The following RNF144A variants were observed in gnomAD, a reference collection of about 807,000 sequenced individuals.
The protein encoded by RNF144A is E3 ubiquitin-protein ligase RNF144A.
RNF144A carries 11 observed loss-of-function variants against 38.7 expected under a neutral mutation model. That is an observed-to-expected ratio of 0.28 (90% CI 0.18 to 0.47). The LOEUF (loss-of-function observed/expected upper bound fraction) is 0.47, where lower values mean the gene tolerates loss of function less well. RNF144A is among the 20% of genes least tolerant of loss of function. The pLI is 0.99. For missense variants in RNF144A, 316 were observed against 377.2 expected, an observed-to-expected ratio of 0.84 and a Z score of 1.34; for synonymous variants, 149 against 143.9, an observed-to-expected ratio of 1.04 and a Z score of -0.25.
chr2:6,946,655 A>G (rs1038707344), intron 2 of RNF144A, among the ~76,000 whole-genome samples: 5 of 152,202 alleles, frequency 3.3e-5, no homozygotes, highest in Non-Finnish European at 5.9e-5. Flanking sequence ...CTCTTAGGTT[A>G]TTAGAATCAG....
intron 2 of RNF144A, among the ~76,000 whole-genome samples, chr2:6,960,511 G>C (rs1667269858): frequency 6.6e-6 from 1 of 152,142 alleles, no homozygotes; most frequent in South Asian, 2.1e-4. Flanking sequence ...GAAAGTGATG[G>C]TCACAACACA....
chr2:6,961,295 T>C (rs1342193156), intron 2 of RNF144A, among the ~76,000 whole-genome samples: 2 of 152,348 alleles, frequency 1.3e-5, no homozygotes, highest in African/African-American at 4.8e-5. Context: ...TTTATGATGA[T>C]AATGATTATG....
chr2:6,977,109 A>G (rs79544825), intron 2 of RNF144A, among the ~76,000 whole-genome samples: 9 of 152,340 alleles, frequency 5.9e-5, no homozygotes, highest in Middle Eastern at 3.4e-3. Context: ...AGTTCATTGT[A>G]TGTTACCATT....
chr2:7,001,255 G>A (rs1005077020), intron 3 of RNF144A, among the ~76,000 whole-genome samples: 38 of 151,730 alleles, frequency 2.5e-4, no homozygotes, highest in Non-Finnish European at 4.1e-4. Flanking sequence ...AGCTGAGATC[G>A]CGCCATTGCA....
intron 5 of RNF144A, among the ~76,000 whole-genome samples, chr2:7,015,105 C>T (rs1671053499): frequency 6.6e-6 from 1 of 152,184 alleles, no homozygotes; most frequent in South Asian, 2.1e-4. Context: ...GAGGGCTAAA[C>T]TCTTGGACTG....
intron 1 of RNF144A, among the ~76,000 whole-genome samples, chr2:6,928,742 G>T (rs942934251): frequency 6.6e-6 from 1 of 152,170 alleles, no homozygotes; most frequent in South Asian, 2.1e-4. Context: ...TTTTCTCCAC[G>T]GCTGGCTCCA....
intron 1 of RNF144A, among the ~76,000 whole-genome samples, chr2:6,939,475 G>A (rs1408671509): frequency 6.6e-6 from 1 of 152,134 alleles, no homozygotes; most frequent in Admixed American, 6.5e-5. Flanking sequence ...CTGAATCCGA[G>A]GCCTTTATCA....
At chr2:7,066,730 T>C (rs1388630183) in intron 6 of RNF144A, among the ~76,000 whole-genome samples, 2 of 152,242 alleles carry the variant, frequency 1.3e-5, no homozygotes, top group Non-Finnish European at 2.9e-5. Context: ...TTGTGTTGCA[T>C]ACTTGGTTCA....
At chr2:7,059,308 T>G (rs1477223293) in intron 6 of RNF144A, among the ~76,000 whole-genome samples, 1 of 152,076 alleles carries the variant, frequency 6.6e-6, no homozygotes, top group African/African-American at 2.4e-5. Context: ...ATCATGCCAC[T>G]GCACTCCAGC....
At chr2:6,992,390 A>G (rs1572354990) in intron 2 of RNF144A, among the ~76,000 whole-genome samples, 1 of 152,240 alleles carries the variant, frequency 6.6e-6, no homozygotes, top group Admixed American at 6.5e-5. Context: ...GGTGGACCAC[A>G]CACAGCAGAG....
chr2:6,964,087 CAAAAA>C (rs1477481197), intron 2 of RNF144A, among the ~76,000 whole-genome samples: 3 of 151,790 alleles, frequency 2.0e-5, no homozygotes, highest in Non-Finnish European at 2.9e-5. Context: ...AAACAGAAAA[CAAAAA>C]AACACAACAC....
At chr2:6,997,838 C>G (rs1669859174) in intron 3 of RNF144A, among the ~76,000 whole-genome samples, 1 of 152,118 alleles carries the variant, frequency 6.6e-6, no homozygotes, top group Admixed American at 6.5e-5. Flanking sequence ...TGCAGTTATA[C>G]AGGTTGAATA....
At chr2:7,074,152 G>T in the RNF144A span, among the ~76,000 whole-genome samples, 2 of 152,210 alleles carry the variant, frequency 1.3e-5, no homozygotes, top group African/African-American at 4.8e-5. Flanking sequence ...TGACTCTGTT[G>T]TATGTTCCTG....
rs1341166783 is a variant in RNF144A at position 6,941,596 on chromosome 2, A to C, written c.-12+449A>C. ...GGGGTAGGGACAGTCAGGAAGAGACAGACAATTCTCATTTGACAGTAGCCG... is the reference window on the plus strand; with the variant it reads ...GGGGTAGGGACAGTCAGGAAGAGACCGACAATTCTCATTTGACAGTAGCCG... On this transcript the variant is annotated intron_variant, in intron 2 of 8. Coordinates refer to ENST00000320892, the MANE Select transcript of RNF144A (RefSeq NM_014746.6). The surrounding 1 kb of genome is among the most constrained non-coding windows in gnomAD (Gnocchi z 6.5). 1.3e-5 allele frequency among the ~76,000 whole-genome samples: 2 copies of C among 152,258 alleles called. No individual in the cohort carries two copies. Among genetic ancestry groups the C allele is most frequent in the Non-Finnish European group, 2.9e-5 (2 of 68,050 alleles).
chr2:6,971,499 G>T (rs1278024544), intron 2 of RNF144A, among the ~76,000 whole-genome samples: 1 of 152,210 alleles, frequency 6.6e-6, no homozygotes, highest in African/African-American at 2.4e-5. Context: ...TTGAGGTGGG[G>T]TCTGGTAGAG....
At chr2:6,971,103 A>T (rs881937) in intron 2 of RNF144A, among the ~76,000 whole-genome samples, 42,177 of 152,098 alleles carry the variant, frequency 0.28, 7,541 homozygotes, top group Non-Finnish European at 0.4. Flanking sequence ...ATACTCAGTG[A>T]CTGTGTCATT....
chr2:6,975,486 G>T (rs1668255095), intron 2 of RNF144A, among the ~76,000 whole-genome samples: 1 of 152,146 alleles, frequency 6.6e-6, no homozygotes, highest in Non-Finnish European at 1.5e-5. Context: ...TCTCTCCACT[G>T]CCCAGCCCTC....
At chr2:7,074,941 A>G in the RNF144A span, among the ~76,000 whole-genome samples, 1 of 152,186 alleles carries the variant, frequency 6.6e-6, no homozygotes, top group African/African-American at 2.4e-5. Context: ...ATTTTTTTCT[A>G]TAGCATGACT....
At chr2:6,942,200 G>A (rs747813010) in intron 2 of RNF144A, among the ~76,000 whole-genome samples, 1 of 151,982 alleles carries the variant, frequency 6.6e-6, no homozygotes, top group African/African-American at 2.4e-5. Context: ...GAGTTCAGGA[G>A]ACCATCTCAG....
Sources: allele counts gnomAD v4.1 joint callset (sites outside exome capture counted in the v4.1 genomes callset), GRCh38; gene constraint gnomAD v4.1.1; non-coding constraint Gnocchi (gnomAD v3.1); transcripts MANE v1.5; gene names NCBI Gene and HGNC (gene_info 2026-07-23, HGNC 2026-07-21).